The following EHHADH variants were observed in gnomAD, a reference collection of about 807,000 sequenced individuals.
The protein encoded by EHHADH is peroxisomal bifunctional enzyme.
EHHADH carries 48 observed loss-of-function variants against 64.4 expected under a neutral mutation model. That is an observed-to-expected ratio of 0.75 (90% confidence interval 0.59 to 0.95). The LOEUF (loss-of-function observed/expected upper bound fraction) is 0.95. Among genes scored for constraint, EHHADH ranks in the 40% least tolerant of loss-of-function variants. EHHADH has a pLI of 0.00. For missense variants in EHHADH, 854 were observed against 876.6 expected (o/e 0.97, Z 0.33); for synonymous variants, 308 against 326.7 (o/e 0.94, Z 0.62).
chr3:185,232,573 C>A (rs1719165674), intron 3 of EHHADH, among the ~76,000 whole-genome samples: 1 of 152,138 alleles, frequency 6.6e-6, no homozygotes, highest in Non-Finnish European at 1.5e-5. Flanking sequence ...CTCAGCCTCC[C>A]AAGTAGCTGG....
chr3:185,239,605 G>T (rs552322948), intron 2 of EHHADH, among the ~76,000 whole-genome samples: 1 of 152,030 alleles, frequency 6.6e-6, no homozygotes, highest in African/African-American at 2.4e-5. Context: ...TGTATAGAAT[G>T]CTACTGATTT....
intron 6 of EHHADH, among the ~76,000 whole-genome samples, chr3:185,195,718 C>G (rs1718038989): frequency 6.6e-6 from 1 of 152,122 alleles, no homozygotes; most frequent in African/African-American, 2.4e-5. Context: ...TAAGTGTGAG[C>G]TGAACACTGG....
At chr3:185,214,913 T>C (rs1470780298) in intron 5 of EHHADH, among the ~76,000 whole-genome samples, 3 of 152,234 alleles carry the variant, frequency 2.0e-5, no homozygotes, top group African/African-American at 4.8e-5. Context: ...ATTATTTCTC[T>C]ATGGTAAATT....
At chr3:185,209,897 C>T (rs752992442) in intron 5 of EHHADH, among the ~76,000 whole-genome samples, 3 of 152,170 alleles carry the variant, frequency 2.0e-5, no homozygotes, top group Non-Finnish European at 4.4e-5. Flanking sequence ...GAACCGTATC[C>T]AATAGGCCCA....
At position 185,204,665 on chromosome 3, in the gene EHHADH, G is replaced by GC; in HGVS notation, c.660dup (p.Arg221AlafsTer26). The GC allele has an allele frequency of 6.2e-7, 1 of 1,614,210 alleles. No individual in the cohort carries two copies. The highest frequency in any genetic ancestry group is 2.2e-5 in the East Asian group (1 of 44,882). ...GCAAGACACCCAGGGTGCTGCCTCC[G>GC]CATCTTCAAGAGGGCCTCACTAAAA... On this transcript the variant is annotated frameshift_variant, in exon 6 of 7. Coordinates refer to ENST00000231887, the MANE Select transcript of EHHADH (RefSeq NM_001966.4). LOFTEE classifies it high-confidence loss of function.
chr3:185,202,230 T>C (rs756917416), intron 6 of EHHADH, among the ~76,000 whole-genome samples: 2 of 151,822 alleles, frequency 1.3e-5, no homozygotes, highest in African/African-American at 2.4e-5. Flanking sequence ...TCCCAGCTAC[T>C]TGGGAGGCTG....
At chr3:185,252,811 GT>G (rs1193955913) in intron 1 of EHHADH, among the ~76,000 whole-genome samples, 1 of 152,128 alleles carries the variant, frequency 6.6e-6, no homozygotes, top group Non-Finnish European at 1.5e-5. Context: ...TCAGCAGCAT[GT>G]TATAAGAATT....
rs1156712262 is a variant in EHHADH, at chr3:185,191,682, A to G, written c.*544T>C. On this transcript the variant is annotated 3_prime_UTR_variant, in exon 7 of 7. Coordinates refer to ENST00000231887, the MANE Select transcript of EHHADH (RefSeq NM_001966.4). ...TACTACTTTCTATTATTTCTCCATA[A>G]ACAGAAGAGGAAAGACCAGAAGAGG... The G allele has an allele frequency of 6.5e-6, 1 of 153,908 alleles. No individual in the cohort carries two copies. Among genetic ancestry groups the G allele is most frequent in the Non-Finnish European group, 1.4e-5 (1 of 69,336 alleles). The allele number at this position is 153,908 out of a possible 1,614,324, so 9.5% of individuals were successfully genotyped here. A position where few individuals can be genotyped will look rare whatever the true frequency, so the allele number is the denominator to read the frequency against.
At chr3:185,252,872 A>G (rs1447889560) in intron 1 of EHHADH, among the ~76,000 whole-genome samples, 1 of 152,160 alleles carries the variant, frequency 6.6e-6, no homozygotes, top group Non-Finnish European at 1.5e-5. Context: ...GATAAATTAT[A>G]ATTTCCACTA....
In EHHADH at chr3:185,204,588, T is replaced by C; in HGVS notation, c.738A>G (p.Glu246=). The change falls in exon 6 of 7, where the codon GAA becomes GAG. Residue 246 remains glutamate, a synonymous_variant. Transcript: ENST00000231887. ...AVQAAVQYPY[E]VGIKKEEELF... ...GCTCCTCCTCCTTCTTGATGCCCAC[T>C]TCATAGGGATACTGCACAGCAGCCT... is the stretch of plus-strand genomic sequence containing the variant. 1 of 1,614,202 alleles carries C rather than the reference T, an allele frequency of 6.2e-7. No homozygotes were observed. The highest frequency in any genetic ancestry group is 8.5e-7 in the Non-Finnish European group (1 of 1,180,032).
rs780475066 is a variant in EHHADH at position 185,192,319 on chromosome 3, C to A, written c.2079G>T (p.Glu693Asp). Residue 693 changes from glutamate (E) to aspartate (D), a missense_variant, in exon 7 of 7, where the codon GAG becomes GAT. Coordinates refer to ENST00000231887, the MANE Select transcript of EHHADH (RefSeq NM_001966.4). The part of the protein sequence containing the change: ...YRQNPDIPQL[E>D]PSDYLKKLAS... ...CCAGTTTTTTTAGATAGTCACTTGG[C>A]TCCAGTTGGGGAATATCAGGGTTCT... The A allele has an allele frequency of 6.2e-7, 1 of 1,614,124 alleles. No homozygotes were observed. Among genetic ancestry groups the A allele is most frequent in the Non-Finnish European group, 8.5e-7 (1 of 1,180,026 alleles).
intron 6 of EHHADH, among the ~76,000 whole-genome samples, chr3:185,197,942 G>A (rs1400089323): frequency 6.6e-6 from 1 of 151,758 alleles, no homozygotes; most frequent in African/African-American, 2.4e-5. Flanking sequence ...GATTACAGGT[G>A]TGCACCACCA....
intron 5 of EHHADH, among the ~76,000 whole-genome samples, chr3:185,208,290 G>C (rs1718449561): frequency 6.6e-6 from 1 of 152,206 alleles, no homozygotes; most frequent in Admixed American, 6.5e-5. Context: ...GCTTGAGTGA[G>C]TTTGAAAGCA....
Position 185,204,537 on chromosome 3 carries a change from C to A in EHHADH, c.789G>T (p.Gly263=). 1 of 1,614,200 alleles carries A rather than the reference C, an allele frequency of 6.2e-7. No individual in the cohort carries two copies. Among genetic ancestry groups the A allele is most frequent in the Non-Finnish European group, 8.5e-7 (1 of 1,180,030 alleles). ...EELFLYLLQS[G]QARALQYAFF... is the part of the protein sequence containing the mutation. The stretch of plus-strand genomic sequence containing the variant: ...AAGCATATTGCAGGGCTCTAGCCTG[C>A]CCTGATTGCAAAAGATATAGAAACA... Residue 263 remains glycine (G), a synonymous_variant, in exon 6 of 7, where the codon GGG becomes GGT. Transcript: ENST00000231887.
At chr3:185,253,598 G>A (rs1297103463) in intron 1 of EHHADH, among the ~76,000 whole-genome samples, 1 of 150,246 alleles carries the variant, frequency 6.7e-6, no homozygotes, top group Admixed American at 6.6e-5. Flanking sequence ...ATAAAAAGTC[G>A]GCCTGCAAAG....
chr3:185,253,937 C>A lies in EHHADH; in HGVS notation c.74+12G>T. 6.2e-7 allele frequency: 1 copy of A among 1,614,010 alleles called. No homozygotes were observed. The highest frequency in any genetic ancestry group is 8.5e-7 in the Non-Finnish European group (1 of 1,179,946). ...GCACGGTCCCCGGGCTGGAGGCGAC[C>A]GAGCCCGTTACCTGATCGCGTTGAC... On this transcript the variant is annotated intron_variant, in intron 1 of 6. Coordinates refer to ENST00000231887, the MANE Select transcript of EHHADH (RefSeq NM_001966.4).
chr3:185,235,128 C>T (rs567278473), intron 3 of EHHADH, among the ~76,000 whole-genome samples, 162 bp downstream of exon 3: 285 of 151,622 alleles, frequency 1.9e-3, no homozygotes, highest in African/African-American at 6.7e-3. Context: ...TGCAGTGAGC[C>T]GAGATCACAC....
Position 185,193,001 on chromosome 3 carries a change from A to G in EHHADH, c.1397T>C (p.Ile466Thr). The change falls in exon 7 of 7, where the codon ATT becomes ACT. Residue 466 changes from isoleucine to threonine, a missense_variant. Coordinates refer to ENST00000231887, the MANE Select transcript of EHHADH (RefSeq NM_001966.4). ...IATVMNLSKKIKKIGVVVGNC... is the reference protein window; with the variant it reads ...IATVMNLSKKTKKIGVVVGNC... ...GCCTACAACGACTCCAATCTTTTTA[A>G]TCTTTTTTGATAAGTTCATAACAGT... is the stretch of plus-strand genomic sequence containing the variant. 1 of 1,614,216 alleles carries G rather than the reference A, an allele frequency of 6.2e-7. No individual in the cohort carries two copies. Among genetic ancestry groups the G allele is most frequent in the South Asian group, 1.1e-5 (1 of 91,090 alleles).
chr3:185,239,085 A>C (rs1719379433), intron 2 of EHHADH, among the ~76,000 whole-genome samples: 1 of 152,044 alleles, frequency 6.6e-6, no homozygotes, highest in Admixed American at 6.6e-5. Flanking sequence ...ATTGAAGATC[A>C]GTTGGTGTAG....
Sources: gnomAD v4.1 joint callset for allele counts (sites outside exome capture counted in the v4.1 genomes callset) on GRCh38, gnomAD v4.1.1 for gene constraint, MANE v1.5 for transcripts, NCBI Gene and HGNC (gene_info 2026-07-23, HGNC 2026-07-21) for gene names.